Variants in FOXJ3 observed in about 807,000 individuals in gnomAD.
FOXJ3 encodes forkhead box J3.
In FOXJ3, 22 loss-of-function variants were observed where a neutral mutation model predicts 76.1. The observed-to-expected ratio is 0.29, with a 90% CI of 0.21 to 0.41. The LOEUF is 0.41. Ranked by LOEUF, FOXJ3 falls within the 10% of genes least tolerant of loss-of-function variation. The probability of loss-of-function intolerance (pLI) is 1.00; values close to 1 mark genes in which losing one functional copy is unlikely to be tolerated. For synonymous variants in FOXJ3, 269 were observed against 261.2 expected (o/e 1.03, Z -0.29); for missense variants, 613 against 762.1 (o/e 0.80, Z 2.30).
intron 2 of FOXJ3, among the ~76,000 whole-genome samples, chr1:42,309,859 A>G (rs191289802): frequency 1.3e-5 from 2 of 152,374 alleles, no homozygotes; most frequent in East Asian, 3.9e-4. Flanking sequence ...ACCAGCAAAA[A>G]GAAGTCATAT....
At chr1:42,294,762 C>CAAAAAAAAAAAAAAA (rs5773766) in intron 2 of FOXJ3, among the ~76,000 whole-genome samples, 2 of 105,680 alleles carry the variant, frequency 1.9e-5, no homozygotes, top group African/African-American at 3.8e-5. Flanking sequence ...AACTTGGTCT[C>CAAAAAAAAAAAAAAA]AAAAAAAAAA....
Position 42,191,669 on chromosome 1 carries a change from T to G in FOXJ3, c.985A>C (p.Thr329Pro), listed in dbSNP as rs1646550845. ...GTACTGCTGGGAGAGTGCTGATAGG[T>G]ACATGAAGTGTGGGACTGCTGGGAA... ...ESSQQSHTSC[T>P]YQHSPSSTVS... The change falls in exon 9 of 13, where the codon ACC (threonine) becomes CCC (proline). Residue 329 changes from threonine to proline, a missense_variant. Coordinates refer to ENST00000361346, the MANE Select transcript of FOXJ3 (RefSeq NM_014947.5). 2 of 1,613,970 alleles carry G rather than the reference T, an allele frequency of 1.2e-6. No homozygotes were observed. The highest frequency in any genetic ancestry group is 1.1e-5 in the South Asian group (1 of 91,090).
At chr1:42,268,057 C>T (rs1651603075) in intron 3 of FOXJ3, among the ~76,000 whole-genome samples, 1 of 151,888 alleles carries the variant, frequency 6.6e-6, no homozygotes, top group African/African-American at 2.4e-5. Context: ...TCTGAAGTAA[C>T]AGTCAAGAAT....
chr1:42,255,983 C>T (rs1057396966), intron 4 of FOXJ3, among the ~76,000 whole-genome samples: 1 of 152,230 alleles, frequency 6.6e-6, no homozygotes, highest in Admixed American at 6.5e-5. Flanking sequence ...GATCGCATCA[C>T]TGCATTCCAG....
At chr1:42,195,752 T>C (rs977175310) in intron 7 of FOXJ3, among the ~76,000 whole-genome samples, 3 of 152,252 alleles carry the variant, frequency 2.0e-5, no homozygotes, top group Admixed American at 1.3e-4. Flanking sequence ...TTAAAAATAA[T>C]GCTCATAAGG....
chr1:42,241,099 G>A (rs577251632), intron 4 of FOXJ3, among the ~76,000 whole-genome samples: 1 of 152,298 alleles, frequency 6.6e-6, no homozygotes, highest in Admixed American at 6.5e-5. Flanking sequence ...CCCACTGTGG[G>A]AAAAGGATAA....
chr1:42,265,469 CTGTAA>C (rs1203993107), intron 3 of FOXJ3, among the ~76,000 whole-genome samples: 8 of 152,148 alleles, frequency 5.3e-5, no homozygotes, highest in African/African-American at 7.2e-5. Context: ...AGGAAGATGC[CTGTAA>C]TGTAATGTTA....
intron 2 of FOXJ3, chr1:42,280,569 A>C: frequency 2.7e-6 from 1 of 372,318 alleles, no homozygotes; most frequent in Non-Finnish European, 3.7e-6. Flanking sequence ...AGATCACACA[A>C]TGTCAAAACA....
chr1:42,222,040 G>GAGGAGGAGAAGAAGAAGAAGAAGA (rs1647216669), intron 5 of FOXJ3, among the ~76,000 whole-genome samples: 1 of 9,090 alleles, frequency 1.1e-4, no homozygotes, highest in Admixed American at 8.4e-4. Flanking sequence ...GGAGGAGAAG[G>GAGGAGGAGAAGAAGAAGAAGAAGA]AGAAGGAGAA....
intron 4 of FOXJ3, among the ~76,000 whole-genome samples, chr1:42,232,580 G>A (rs1355431706): frequency 6.6e-6 from 1 of 150,404 alleles, no homozygotes; most frequent in Non-Finnish European, 1.5e-5. Context: ...GTGTCTTTTG[G>A]CTGCATAAAT....
At chr1:42,319,516 T>C (rs554567266) in intron 1 of FOXJ3, among the ~76,000 whole-genome samples, 1 of 152,116 alleles carries the variant, frequency 6.6e-6, no homozygotes, top group African/African-American at 2.4e-5. Context: ...AAATGGAGAA[T>C]AGAGATTGAC....
intron 2 of FOXJ3, chr1:42,280,178 TTAA>T (rs1479397442): frequency 7.2e-6 from 2 of 276,396 alleles, no homozygotes; most frequent in Non-Finnish European, 1.1e-5. Flanking sequence ...TAAGTGCTAG[TTAA>T]TAATATTAGT....
chr1:42,258,309 G>A (rs1180232252), intron 4 of FOXJ3, among the ~76,000 whole-genome samples: 1 of 152,120 alleles, frequency 6.6e-6, no homozygotes, highest in Non-Finnish European at 1.5e-5. Context: ...GCTGTTCCTG[G>A]TAACTGCTCA....
intron 6 of FOXJ3, among the ~76,000 whole-genome samples, chr1:42,200,207 G>A (rs781758624): frequency 6.6e-6 from 1 of 152,022 alleles, no homozygotes; most frequent in African/African-American, 2.4e-5. Flanking sequence ...CATCATGCAC[G>A]TAAGTCATTA....
chr1:42,316,965 C>T (rs1655150126), intron 1 of FOXJ3, among the ~76,000 whole-genome samples: 1 of 152,090 alleles, frequency 6.6e-6, no homozygotes, highest in Admixed American at 6.6e-5. Flanking sequence ...TCAGAAATCA[C>T]CACTAAAGAA....
At chr1:42,206,101 G>C (rs1402600443) in intron 5 of FOXJ3, 1 of 409,314 alleles carries the variant, frequency 2.4e-6, no homozygotes, top group Non-Finnish European at 4.3e-6. Flanking sequence ...AGGATAGGCT[G>C]ACAAAAATTA....
At chr1:42,267,089 T>C (rs1308656578) in intron 3 of FOXJ3, among the ~76,000 whole-genome samples, 1 of 151,918 alleles carries the variant, frequency 6.6e-6, no homozygotes, top group Non-Finnish European at 1.5e-5. Context: ...CAAAAGTAAC[T>C]ACAGATACAC....
rs78555273 is a variant in FOXJ3, at chr1:42,295,873, C to A, written c.44+15177G>T. 4.9e-3 allele frequency among the ~76,000 whole-genome samples: 745 copies of A among 152,188 alleles called. 3 individuals are homozygous for A. Among genetic ancestry groups the A allele is most frequent in the Non-Finnish European group, 8.5e-3 (577 of 68,008 alleles). ...ATTTATTTTATTTTGGGCAGATACC[C>A]CCAGTAGTGTGTTTACTGGATCAAA... is the stretch of plus-strand genomic sequence containing the variant. On this transcript the variant is annotated intron_variant, in intron 2 of 12. Coordinates refer to ENST00000361346, the MANE Select transcript of FOXJ3 (RefSeq NM_014947.5).
chr1:42,200,699 C>T (rs571862113), intron 6 of FOXJ3, among the ~76,000 whole-genome samples: 1 of 152,164 alleles, frequency 6.6e-6, no homozygotes, highest in African/African-American at 2.4e-5. Context: ...ATGCTGGTCT[C>T]GAACTCCTGA....
Sources: gnomAD v4.1 joint callset for allele counts (sites outside exome capture counted in the v4.1 genomes callset) on GRCh38, gnomAD v4.1.1 for gene constraint, MANE v1.5 for transcripts, NCBI Gene and HGNC (gene_info 2026-07-23, HGNC 2026-07-21) for gene names.